The following EEFSEC variants were observed in gnomAD, a reference collection of about 807,000 sequenced individuals.
The protein encoded by EEFSEC is eukaryotic elongation factor, selenocysteine-tRNA specific, also known as selenocysteine-specific elongation factor.
EEFSEC carries 43 observed loss-of-function variants against 42.1 expected under a neutral mutation model. That is an observed-to-expected ratio of 1.02 (90% CI 0.80 to 1.32). The LOEUF (loss-of-function observed/expected upper bound fraction) is 1.32, where lower values mean the gene tolerates loss of function less well. EEFSEC is among the 40% of genes most tolerant of loss of function. The pLI is 0.00. For synonymous variants in EEFSEC, 354 were observed against 339.1 expected (o/e 1.04, Z -0.48); for missense variants, 745 against 803.6 (o/e 0.93, Z 0.88).
chr3:128,344,103 A>G (rs1364442692), intron 5 of EEFSEC, among the ~76,000 whole-genome samples: 3 of 152,108 alleles, frequency 2.0e-5, no homozygotes, highest in Non-Finnish European at 2.9e-5. Context: ...CCAACTCGCA[A>G]CCCCCTGAGG....
intron 6 of EEFSEC, 44 bp from the exon 7 acceptor site, chr3:128,408,025 C>T (rs1384580947): frequency 2.0e-6 from 3 of 1,489,750 alleles, no homozygotes; most frequent in Non-Finnish European, 1.8e-6. Flanking sequence ...CCCACGGGTG[C>T]TTGGGGTACG....
chr3:128,327,982 G>T (rs1312378182), intron 4 of EEFSEC, among the ~76,000 whole-genome samples: 2 of 152,200 alleles, frequency 1.3e-5, no homozygotes, highest in African/African-American at 4.8e-5. Context: ...GCTGAGGCTT[G>T]AACCGTGAAC....
rs555549552 is a variant in EEFSEC, at chr3:128,167,521, A to G, written c.316+13698A>G. The stretch of plus-strand genomic sequence containing the variant: ...TGAGGTTAGACAAGTTAATCTTTCA[A>G]TGGAAATTCAATCCTCATATTTCAT... On this transcript the variant is annotated intron_variant, in intron 1 of 6. Transcript: ENST00000254730. Among the ~76,000 whole-genome samples, 11 of 152,386 alleles carry G rather than the reference A, an allele frequency of 7.2e-5. No individual in the cohort carries two copies. The Middle Eastern group carries it at 0.017, about 236-fold the overall frequency.
intron 4 of EEFSEC, among the ~76,000 whole-genome samples, chr3:128,283,100 A>G (rs548324963): frequency 5.2e-5 from 8 of 152,384 alleles, no homozygotes; most frequent in African/African-American, 1.4e-4. Context: ...CAGGCTGCTC[A>G]GAGGAGCCCT....
the EEFSEC span, among the ~76,000 whole-genome samples, chr3:128,426,016 G>C: frequency 6.6e-6 from 1 of 152,220 alleles, no homozygotes; most frequent in African/African-American, 2.4e-5. Flanking sequence ...CTGAGTTCCA[G>C]GGACCTGCTA....
At chr3:128,196,997 A>G (rs1383420091) in intron 1 of EEFSEC, among the ~76,000 whole-genome samples, 1 of 152,192 alleles carries the variant, frequency 6.6e-6, no homozygotes, top group Non-Finnish European at 1.5e-5. Context: ...CGTTTTTTAA[A>G]TGAATACTTT....
At chr3:128,425,355 T>C in the EEFSEC span, among the ~76,000 whole-genome samples, 72 of 152,352 alleles carry the variant, frequency 4.7e-4, no homozygotes, top group Non-Finnish European at 5.4e-4. Flanking sequence ...CTTGGGTCAC[T>C]GAGCAGGGCC....
chr3:128,304,937 C>G (rs898419053), intron 4 of EEFSEC, among the ~76,000 whole-genome samples: 4 of 152,130 alleles, frequency 2.6e-5, no homozygotes, highest in African/African-American at 9.7e-5. Context: ...CTCCTGAGCT[C>G]AAGTGACCCA....
At chr3:128,175,686 G>C (rs2065341270) in intron 1 of EEFSEC, among the ~76,000 whole-genome samples, 1 of 152,232 alleles carries the variant, frequency 6.6e-6, no homozygotes, top group Non-Finnish European at 1.5e-5. Context: ...AAAACGACAT[G>C]GTCCCTGCTG....
At chr3:128,388,591 G>A (rs1184122786) in intron 6 of EEFSEC, among the ~76,000 whole-genome samples, 3 of 152,256 alleles carry the variant, frequency 2.0e-5, no homozygotes, top group Non-Finnish European at 2.9e-5. Context: ...GGCCTGGCCC[G>A]AGCCTCCTGA....
At chr3:128,396,209 AC>A (rs1001232257) in intron 6 of EEFSEC, among the ~76,000 whole-genome samples, 1 of 152,178 alleles carries the variant, frequency 6.6e-6, no homozygotes, top group African/African-American at 2.4e-5. Context: ...GGCCTGGCTT[AC>A]CAACAGTACA....
At chr3:128,356,549 T>C (rs924638045) in intron 5 of EEFSEC, among the ~76,000 whole-genome samples, 3 of 152,188 alleles carry the variant, frequency 2.0e-5, no homozygotes, top group Non-Finnish European at 4.4e-5. Flanking sequence ...GTCCGCCTGG[T>C]GTGTGTGTAG....
intron 4 of EEFSEC, among the ~76,000 whole-genome samples, chr3:128,335,487 GGA>G (rs2067180262): frequency 6.6e-6 from 1 of 152,210 alleles, no homozygotes; most frequent in Admixed American, 6.5e-5. Context: ...GCACATTCAG[GGA>G]ATGGGAAGCA....
At chr3:128,319,139 C>T (rs2066980139) in intron 4 of EEFSEC, among the ~76,000 whole-genome samples, 1 of 152,202 alleles carries the variant, frequency 6.6e-6, no homozygotes, top group Non-Finnish European at 1.5e-5. Context: ...AGTGCCATTC[C>T]TTTCCCCACT....
At chr3:128,287,926 A>G (rs1037713711) in intron 4 of EEFSEC, among the ~76,000 whole-genome samples, 1 of 152,202 alleles carries the variant, frequency 6.6e-6, no homozygotes, top group Non-Finnish European at 1.5e-5. Flanking sequence ...TAATGATAAC[A>G]TAGTATACAC....
intron 1 of EEFSEC, among the ~76,000 whole-genome samples, chr3:128,171,018 A>G (rs1385199672): frequency 1.3e-5 from 2 of 152,188 alleles, no homozygotes; most frequent in African/African-American, 2.4e-5. Flanking sequence ...TCTTCCTGAC[A>G]CATCTCCCAG....
intron 4 of EEFSEC, among the ~76,000 whole-genome samples, chr3:128,312,121 T>C (rs1576628653): frequency 6.6e-6 from 1 of 152,208 alleles, no homozygotes; most frequent in Admixed American, 6.5e-5. Flanking sequence ...AAGAGTTCCA[T>C]GTTGAGAAGA....
intron 6 of EEFSEC, among the ~76,000 whole-genome samples, chr3:128,397,588 C>T (rs2067996234): frequency 6.6e-6 from 1 of 152,210 alleles, no homozygotes; most frequent in African/African-American, 2.4e-5. Flanking sequence ...GGGCTGCAGT[C>T]CAGTGTCCTT....
At chr3:128,305,774 T>G (rs2066819341) in intron 4 of EEFSEC, among the ~76,000 whole-genome samples, 1 of 152,246 alleles carries the variant, frequency 6.6e-6, no homozygotes, top group Non-Finnish European at 1.5e-5. Flanking sequence ...TTCCATATTT[T>G]CTAATAGAAT....
Sources: allele counts gnomAD v4.1 joint callset (sites outside exome capture counted in the v4.1 genomes callset), GRCh38; gene constraint gnomAD v4.1.1; transcripts MANE v1.5; gene names NCBI Gene and HGNC (gene_info 2026-07-23, HGNC 2026-07-21).